The following AKAP9 variants were observed in gnomAD, a reference collection of about 807,000 sequenced individuals.
AKAP9 encodes A-kinase anchor protein 9.
In AKAP9, 311 loss-of-function variants were observed where a neutral mutation model predicts 488.5. The ratio of observed to expected loss-of-function variants is 0.64; its 90% CI spans 0.58 to 0.70. The LOEUF (loss-of-function observed/expected upper bound fraction) is 0.70. Ranked by LOEUF, AKAP9 falls within the 30% of genes least tolerant of loss-of-function variation. The pLI is 0.00. For synonymous variants in AKAP9, 1,462 were observed against 1,483.5 expected (o/e 0.99, Z 0.33); for missense variants, 4,215 against 4,374.5 (o/e 0.96, Z 1.03).
At chr7:92,049,244 A>G (rs374398643) in intron 21 of AKAP9, among the ~76,000 whole-genome samples, 6 of 152,194 alleles carry the variant, frequency 3.9e-5, no homozygotes, top group African/African-American at 1.2e-4. Flanking sequence ...TAAGATTATT[A>G]TTGGCATCTT....
chr7:92,107,219 A>T, intron 47 of AKAP9, 74 bp from the exon 48 acceptor site: 1 of 1,401,004 alleles, frequency 7.1e-7, no homozygotes, highest in Non-Finnish European at 1.0e-6. Flanking sequence ...TTGAGCAGTT[A>T]CCTATTTTGT....
intron 2 of AKAP9, among the ~76,000 whole-genome samples, chr7:91,976,014 C>T (rs1795640442): frequency 6.6e-6 from 1 of 150,816 alleles, no homozygotes; most frequent in South Asian, 2.1e-4. Flanking sequence ...CTGCAGTCTC[C>T]ACCTCCCAGG....
intron 3 of AKAP9, among the ~76,000 whole-genome samples, chr7:91,988,344 C>T (rs974596902): frequency 7.0e-6 from 1 of 142,914 alleles, no homozygotes; most frequent in Non-Finnish European, 1.5e-5. Flanking sequence ...ATAGTGTGTG[C>T]CTGTACTTCC....
At chr7:91,964,222 C>T (rs748905814) in intron 1 of AKAP9, among the ~76,000 whole-genome samples, 6 of 152,096 alleles carry the variant, frequency 3.9e-5, no homozygotes, top group East Asian at 1.9e-4. Context: ...AAGCTAGATA[C>T]GATTGTTGAA....
At chr7:92,107,172 A>C in intron 47 of AKAP9, 121 bp from the exon 48 acceptor site, 1 of 990,858 alleles carries the variant, frequency 1.0e-6, no homozygotes, top group Non-Finnish European at 1.5e-6. Context: ...GAAAATGACT[A>C]TAAATAGGAG....
chr7:92,035,875 C>A (rs1202651817), intron 16 of AKAP9, among the ~76,000 whole-genome samples: 1 of 152,110 alleles, frequency 6.6e-6, no homozygotes, highest in Admixed American at 6.5e-5. Context: ...AATTCAGATG[C>A]AATTATTGCC....
intron 9 of AKAP9, 69 bp downstream of exon 9, chr7:92,012,711 A>C: frequency 7.4e-7 from 1 of 1,345,482 alleles, no homozygotes; most frequent in Non-Finnish European, 1.0e-6. Context: ...CCATTCTATA[A>C]TTTTTTCCTT....
At chr7:92,076,831 CTT>C (rs1373191247) in intron 28 of AKAP9, 22 bp from the exon 29 acceptor site, 1 of 1,337,586 alleles carries the variant, frequency 7.5e-7, no homozygotes, top group Admixed American at 2.0e-5. Context: ...CATTTTTTCT[CTT>C]TTGATAATTT....
At chr7:91,978,538 C>G (rs2130581598) in intron 2 of AKAP9, among the ~76,000 whole-genome samples, 1 of 152,216 alleles carries the variant, frequency 6.6e-6, no homozygotes, top group African/African-American at 2.4e-5. Flanking sequence ...CTTTCTACTA[C>G]TTCTTTTAGG....
At chr7:91,968,755 T>C (rs1036212867) in intron 1 of AKAP9, among the ~76,000 whole-genome samples, 4 of 152,236 alleles carry the variant, frequency 2.6e-5, no homozygotes, top group African/African-American at 9.6e-5. Context: ...CTGCTTTTGC[T>C]TTATCACATA....
chr7:92,039,772 C>T (rs564750462), intron 17 of AKAP9, among the ~76,000 whole-genome samples: 14 of 151,996 alleles, frequency 9.2e-5, no homozygotes, highest in African/African-American at 3.4e-4. Context: ...GTCAGGAGTT[C>T]GAGACCAGCT....
chr7:92,106,147 T>C (rs921613328), intron 47 of AKAP9, among the ~76,000 whole-genome samples: 3 of 152,242 alleles, frequency 2.0e-5, no homozygotes, highest in African/African-American at 4.8e-5. Flanking sequence ...ACTGCTGCTC[T>C]GAATTACTGC....
chr7:92,091,090 T>C (rs71560806), intron 38 of AKAP9, among the ~76,000 whole-genome samples: 3,803 of 152,314 alleles, frequency 0.025, 62 homozygotes, highest in Middle Eastern at 0.044. Context: ...TATGCTTGTT[T>C]AGGTACTTTT....
intron 24 of AKAP9, 42 bp from the exon 25 acceptor site, chr7:92,065,189 T>C (rs1354402264): frequency 7.6e-7 from 1 of 1,311,638 alleles, no homozygotes. Flanking sequence ...CATAAGATCA[T>C]TAATTGTGAT....
At chr7:92,009,501 C>G (rs544194059) in intron 8 of AKAP9, among the ~76,000 whole-genome samples, 1 of 152,110 alleles carries the variant, frequency 6.6e-6, no homozygotes, top group Non-Finnish European at 1.5e-5. Flanking sequence ...CTCCTCCAAC[C>G]AGAAATATTA....
intron 1 of AKAP9, among the ~76,000 whole-genome samples, chr7:91,948,605 C>CTTTT (rs55928500): frequency 2.0e-4 from 22 of 107,560 alleles, no homozygotes; most frequent in African/African-American, 3.5e-4. Flanking sequence ...TTGTAGATTT[C>CTTTT]TTTTTTTTTT....
rs1329104112 is a variant in AKAP9, at chr7:91,994,603, C to T, written c.577-18C>T. 3.7e-6 allele frequency: 6 copies of T among 1,602,606 alleles called. No individual in the cohort carries two copies. Among genetic ancestry groups the T allele is most frequent in the Non-Finnish European group, 5.1e-6 (6 of 1,173,412 alleles). On this transcript the variant is annotated intron_variant, in intron 5 of 49. Coordinates refer to ENST00000356239, the MANE Select transcript of AKAP9 (RefSeq NM_005751.5). ...TCAATTAAAAAAAATAAATCTAGCA[C>T]TTACTATTTTCTTTCAGTTACAAGA...
At chr7:92,025,382 G>T (rs947897795) in intron 14 of AKAP9, among the ~76,000 whole-genome samples, 1 of 152,044 alleles carries the variant, frequency 6.6e-6, no homozygotes, top group African/African-American at 2.4e-5. Context: ...AAAATCATTC[G>T]TTTGCTCCCT....
chr7:92,075,624 CA>C (rs1812459239), intron 28 of AKAP9, among the ~76,000 whole-genome samples: 1 of 152,218 alleles, frequency 6.6e-6, no homozygotes, highest in Non-Finnish European at 1.5e-5. Context: ...GGCCTGAAAG[CA>C]AATTACTCCT....
Sources: allele counts gnomAD v4.1 joint callset (sites outside exome capture counted in the v4.1 genomes callset), GRCh38; gene constraint gnomAD v4.1.1; transcripts MANE v1.5; gene names NCBI Gene and HGNC (gene_info 2026-07-23, HGNC 2026-07-21).